ADIPOR2: variants seen among roughly 807,000 people sequenced by gnomAD.
ADIPOR2 encodes adiponectin receptor 2.
A neutral mutation model predicts 40.9 loss-of-function variants in ADIPOR2; 18 were observed. The observed-to-expected ratio is 0.44, with a 90% CI of 0.30 to 0.65. The LOEUF (loss-of-function observed/expected upper bound fraction) is 0.65, where lower values mean the gene tolerates loss of function less well. Among genes scored for constraint, ADIPOR2 ranks in the 30% least tolerant of loss-of-function variants. The pLI, the probability that ADIPOR2 is intolerant of heterozygous loss-of-function variation, is 0.09. For synonymous variants in ADIPOR2, 165 were observed against 166.4 expected (o/e 0.99, Z 0.06); for missense variants, 283 against 479.2 (o/e 0.59, Z 3.82).
At chr12:1,752,585 G>A (rs1862018699) in intron 1 of ADIPOR2, among the ~76,000 whole-genome samples, 1 of 152,112 alleles carries the variant, frequency 6.6e-6, no homozygotes, top group South Asian at 2.1e-4. Flanking sequence ...AACTTCATGA[G>A]GTTCAGAAAC....
intron 1 of ADIPOR2, among the ~76,000 whole-genome samples, chr12:1,752,283 G>T (rs1309389620): frequency 2.4e-5 from 3 of 123,314 alleles, no homozygotes; most frequent in Non-Finnish European, 4.8e-5. Flanking sequence ...GCCCAGGCTG[G>T]AGTGCAGTGG....
chr12:1,766,146 G>A (rs1862375509), intron 2 of ADIPOR2, among the ~76,000 whole-genome samples: 1 of 152,232 alleles, frequency 6.6e-6, no homozygotes, highest in South Asian at 2.1e-4. Context: ...TTTATGCACA[G>A]ATTACTATGG....
At chr12:1,719,170 A>G (rs2094693181) in intron 1 of ADIPOR2, among the ~76,000 whole-genome samples, 1 of 151,440 alleles carries the variant, frequency 6.6e-6, no homozygotes, top group African/African-American at 2.4e-5. Flanking sequence ...TTTTTTTGAG[A>G]CTTTTCTACT....
intron 1 of ADIPOR2, among the ~76,000 whole-genome samples, chr12:1,737,331 G>A (rs2094732942): frequency 1.4e-5 from 2 of 143,168 alleles, no homozygotes; most frequent in Admixed American, 1.6e-4. Context: ...TTATTTGTGG[G>A]GTTTTTTGTT....
intron 1 of ADIPOR2, among the ~76,000 whole-genome samples, chr12:1,751,118 C>A (rs938473062): frequency 4.6e-5 from 7 of 151,124 alleles, no homozygotes; most frequent in Non-Finnish European, 8.8e-5. Context: ...AATTTCAGTT[C>A]TCTAGTGTGT....
In ADIPOR2 at chr12:1,784,100, G is replaced by A. The variant is rs112856874; in HGVS notation, c.1032+27G>A. 3.3e-4 allele frequency: 511 copies of A among 1,532,632 alleles called. 2 individuals carry two copies. The African/African-American group carries it at 5.3e-3, about 16-fold the overall frequency. The allele number at this position is 1,532,632 out of a possible 1,614,324, so 94.9% of individuals were successfully genotyped here. On this transcript the variant is annotated intron_variant, in intron 7 of 7. Transcript: ENST00000357103. Reference sequence around the variant, plus strand: ...TAAGTATGTCGGGGTGACTGAGTGTGTAGGTATCTGCTCATGAGTTATTGG... The same window carrying A: ...TAAGTATGTCGGGGTGACTGAGTGTATAGGTATCTGCTCATGAGTTATTGG...
intron 1 of ADIPOR2, chr12:1,731,128 A>G (rs892994488): frequency 6.6e-6 from 1 of 151,322 alleles, no homozygotes; most frequent in Admixed American, 6.6e-5. Context: ...TGATGCGATC[A>G]TGGCTTACTG....
chr12:1,730,028 G>GT (rs982028749), intron 1 of ADIPOR2, among the ~76,000 whole-genome samples: 14 of 152,218 alleles, frequency 9.2e-5, no homozygotes, highest in African/African-American at 3.4e-4. Context: ...TGAGGGAAAA[G>GT]TGTTAATATA....
At chr12:1,695,031 TTG>T (rs386759481) in intron 1 of ADIPOR2, among the ~76,000 whole-genome samples, 3 of 86,686 alleles carry the variant, frequency 3.5e-5, no homozygotes, top group Admixed American at 3.6e-4. Context: ...TTTTTTTGTT[TTG>T]TTTTTTTAAG....
intron 1 of ADIPOR2, among the ~76,000 whole-genome samples, chr12:1,710,357 G>A (rs138738064): frequency 5.3e-5 from 8 of 152,242 alleles, no homozygotes; most frequent in East Asian, 3.9e-4. Context: ...AACACTCACC[G>A]TGAAGGTCTG....
intron 2 of ADIPOR2, among the ~76,000 whole-genome samples, chr12:1,766,829 A>G (rs1423013814): frequency 6.6e-6 from 1 of 152,200 alleles, no homozygotes; most frequent in African/African-American, 2.4e-5. Flanking sequence ...TATTCATTCA[A>G]CCTTCATATT....
chr12:1,777,810 G>T, intron 3 of ADIPOR2, 44 bp from the exon 4 acceptor site: 1 of 1,573,598 alleles, frequency 6.4e-7, no homozygotes, highest in South Asian at 1.2e-5. Context: ...TTGGTAAATT[G>T]ACAACTAAAA....
At position 1,787,613 on chromosome 12, in the gene ADIPOR2, G is replaced by T. The variant is rs2286382; in HGVS notation, c.*1541G>T. The T allele has an allele frequency of 2.0e-5, 3 of 152,260 alleles. No homozygotes were observed. The South Asian group carries it at 6.2e-4, about 32-fold the overall frequency. 9.4% of individuals were successfully genotyped at this position (152,260 alleles called of 1,614,324 possible). A position where few individuals can be genotyped will look rare whatever the true frequency, so the allele number is the denominator to read the frequency against. On this transcript the variant is annotated 3_prime_UTR_variant, in exon 8 of 8. Transcript: ENST00000357103. ...TAGGTGAACCACCAAAATAGTGCTC[G>T]AGTCTTAGGTTACTGTCATCAAAGA...
intron 1 of ADIPOR2, among the ~76,000 whole-genome samples, chr12:1,723,581 A>G (rs922189459): frequency 6.6e-6 from 1 of 152,036 alleles, no homozygotes; most frequent in African/African-American, 2.4e-5. Context: ...TGGAGGTTGC[A>G]GTGAGCCAAG....
intron 1 of ADIPOR2, among the ~76,000 whole-genome samples, chr12:1,693,426 C>T (rs1467150734): frequency 3.3e-5 from 5 of 151,742 alleles, no homozygotes; most frequent in African/African-American, 7.3e-5. Flanking sequence ...TACAAGTACA[C>T]CACTTGGGGC....
chr12:1,786,151 C>T lies in ADIPOR2; in HGVS notation c.*79C>T. 6.5e-7 allele frequency: 1 copy of T among 1,545,850 alleles called. No homozygotes were observed. The highest frequency in any genetic ancestry group is 8.7e-7 in the Non-Finnish European group (1 of 1,147,574). ...GGGCCTCCCTGCTGGCTACTGATGC[C>T]AGTACCAGAGGAGCCCCAAAACTTT... On this transcript the variant is annotated 3_prime_UTR_variant, in exon 8 of 8. Coordinates refer to ENST00000357103, the MANE Select transcript of ADIPOR2 (RefSeq NM_024551.3).
At position 1,780,856 on chromosome 12, in the gene ADIPOR2, C is replaced by T. The variant is rs1434455887; in HGVS notation, c.651-33C>T. On this transcript the variant is annotated intron_variant, in intron 5 of 7. Coordinates refer to ENST00000357103, the MANE Select transcript of ADIPOR2 (RefSeq NM_024551.3). ...GTAGTGGCCAGTAGTTTTTAAATTA[C>T]TGCATTAAATGGATTTTTTTTTTCT... 3.3e-6 allele frequency: 5 copies of T among 1,527,886 alleles called. No individual in the cohort carries two copies. In the African/African-American group the frequency reaches 4.2e-5, roughly 13 times the overall value. The allele number at this position is 1,527,886 out of a possible 1,614,324, so 94.6% of individuals were successfully genotyped here. A position where few individuals can be genotyped will look rare whatever the true frequency, so the allele number is the denominator to read the frequency against.
intron 1 of ADIPOR2, among the ~76,000 whole-genome samples, chr12:1,718,167 AT>A (rs777055455): frequency 6.6e-5 from 10 of 152,198 alleles, no homozygotes; most frequent in Admixed American, 3.9e-4. Context: ...TAAAAAAATT[AT>A]CCTTCGAGTT....
At chr12:1,741,301 C>T (rs955431014) in intron 1 of ADIPOR2, among the ~76,000 whole-genome samples, 1 of 151,948 alleles carries the variant, frequency 6.6e-6, no homozygotes, top group African/African-American at 2.4e-5. Flanking sequence ...AGGGGATTAT[C>T]AAAGTATTGT....
Sources: allele counts gnomAD v4.1 joint callset (sites outside exome capture counted in the v4.1 genomes callset), GRCh38; gene constraint gnomAD v4.1.1; transcripts MANE v1.5; gene names NCBI Gene and HGNC (gene_info 2026-07-23, HGNC 2026-07-21).